The following MMP16 variants were observed in gnomAD, a reference collection of about 807,000 sequenced individuals.
MMP16 encodes matrix metallopeptidase 16.
MMP16 carries 12 observed loss-of-function variants against 67.8 expected under a neutral mutation model. The observed-to-expected ratio is 0.18, with a 90% confidence interval of 0.11 to 0.29. The LOEUF (loss-of-function observed/expected upper bound fraction) is 0.29. MMP16 is among the 10% of genes least tolerant of loss of function. MMP16 has a pLI of 1.00. For missense variants in MMP16, 475 were observed against 765.7 expected (o/e 0.62, Z 4.48); for synonymous variants, 249 against 255.9 (o/e 0.97, Z 0.26).
intron 4 of MMP16, among the ~76,000 whole-genome samples, chr8:88,160,689 T>C (rs1428375058): frequency 6.6e-6 from 1 of 152,070 alleles, no homozygotes; most frequent in Non-Finnish European, 1.5e-5. Context: ...TTGGTGGGAC[T>C]ATAAACTAGT....
At chr8:88,210,719 T>C (rs1403716780) in intron 1 of MMP16, among the ~76,000 whole-genome samples, 1 of 152,162 alleles carries the variant, frequency 6.6e-6, no homozygotes, top group Non-Finnish European at 1.5e-5. Flanking sequence ...TAGGCCACTG[T>C]TGGGCAAGCA....
At chr8:88,143,995 A>G (rs1808252460) in intron 4 of MMP16, among the ~76,000 whole-genome samples, 1 of 151,960 alleles carries the variant, frequency 6.6e-6, no homozygotes, top group Non-Finnish European at 1.5e-5. Context: ...GATAAAAACC[A>G]TTAATCCCTG....
At chr8:88,207,967 T>C (rs561636360) in intron 1 of MMP16, among the ~76,000 whole-genome samples, 2 of 152,254 alleles carry the variant, frequency 1.3e-5, no homozygotes, top group South Asian at 4.1e-4. Context: ...CAGGAAAGGA[T>C]GGTTTGATAA....
chr8:88,138,864 TC>T (rs1219740489), intron 4 of MMP16, among the ~76,000 whole-genome samples: 1 of 152,070 alleles, frequency 6.6e-6, no homozygotes, highest in East Asian at 1.9e-4. Context: ...ATCTGTCTTT[TC>T]TTGATCTCAA....
At chr8:88,227,368 G>A (rs533207442) in intron 1 of MMP16, among the ~76,000 whole-genome samples, 2 of 151,914 alleles carry the variant, frequency 1.3e-5, no homozygotes, top group African/African-American at 2.4e-5. Context: ...TAAAAGGGAC[G>A]AAAAATTACC....
chr8:88,134,703 C>A (rs576647416), intron 4 of MMP16, among the ~76,000 whole-genome samples: 1 of 151,758 alleles, frequency 6.6e-6, no homozygotes, highest in African/African-American at 2.4e-5. Context: ...TTTCCCCTAG[C>A]AGCTTATTTA....
chr8:88,164,273 A>T lies in MMP16; in HGVS notation c.709+3396T>A, dbSNP rs150492052. ...AGAAGAGAAAGAAAGTAATTCAGGT[A>T]AGTAAGCCAGGGGGCATTCCAGGAC... On this transcript the variant is annotated intron_variant, in intron 4 of 9. Transcript: ENST00000286614. 1.6e-3 allele frequency among the ~76,000 whole-genome samples: 244 copies of T among 152,194 alleles called. 3 individuals carry two copies. The highest frequency in any genetic ancestry group is 0.014 in the Admixed American group (213 of 15,244).
chr8:88,283,404 T>G lies in MMP16; in HGVS notation c.132+43671A>C, dbSNP rs528370774. On this transcript the variant is annotated intron_variant, in intron 1 of 9. Coordinates refer to ENST00000286614, the MANE Select transcript of MMP16 (RefSeq NM_005941.5). ...GTGTAACACTAGACAAGTTATTTGA[T>G]CTCTCTGTTTCAGTTTCCTTATATA... 3.3e-5 allele frequency among the ~76,000 whole-genome samples: 5 copies of G among 152,258 alleles called. No homozygotes were observed. The East Asian group carries it at 9.7e-4, about 29-fold the overall frequency.
intron 4 of MMP16, among the ~76,000 whole-genome samples, chr8:88,133,108 T>G (rs750504008): frequency 4.0e-5 from 6 of 151,810 alleles, no homozygotes; most frequent in Non-Finnish European, 2.9e-5. Flanking sequence ...TAATAGAAAA[T>G]GATCTAAACT....
chr8:88,121,602 C>T (rs1275253903), intron 4 of MMP16, among the ~76,000 whole-genome samples: 1 of 151,902 alleles, frequency 6.6e-6, no homozygotes, highest in Non-Finnish European at 1.5e-5. Flanking sequence ...ATTCAAAATC[C>T]TTAATTGTAA....
chr8:88,142,561 T>C (rs1045060961), intron 4 of MMP16, among the ~76,000 whole-genome samples: 5 of 152,040 alleles, frequency 3.3e-5, no homozygotes, highest in African/African-American at 1.2e-4. Context: ...TTTAAAAAAA[T>C]TTACACAAAG....
chr8:88,097,582 C>T (rs1360027902), intron 6 of MMP16, among the ~76,000 whole-genome samples: 1 of 138,246 alleles, frequency 7.2e-6, no homozygotes, highest in Non-Finnish European at 1.5e-5. Flanking sequence ...GCCATGATCA[C>T]ACCACTGCAC....
rs1026348542 is a variant in MMP16, at chr8:88,033,806, C to T, written c.*7655G>A. The T allele has an allele frequency of 6.6e-6, 1 of 151,896 alleles. No individual in the cohort carries two copies. The highest frequency in any genetic ancestry group is 2.4e-5 in the African/African-American group (1 of 41,368). The allele number at this position is 151,896 out of a possible 1,614,324, so 9.4% of individuals were successfully genotyped here. A position where few individuals can be genotyped will look rare whatever the true frequency, so the allele number is the denominator to read the frequency against. On this transcript the variant is annotated 3_prime_UTR_variant, in exon 10 of 10. Coordinates refer to ENST00000286614, the MANE Select transcript of MMP16 (RefSeq NM_005941.5). ...CAGCAAAAAGCTGCCTCTGTAACAC[C>T]CCTAATTCTTTGATTCTATCTCTCT... is the stretch of plus-strand genomic sequence containing the variant.
In MMP16 at chr8:88,032,810, G is replaced by A. The variant is rs372769462; in HGVS notation, c.*8651C>T. 8 of 152,072 alleles carry A rather than the reference G, an allele frequency of 5.3e-5. No homozygotes were observed. The East Asian group carries it at 5.8e-4, about 11-fold the overall frequency. The allele number at this position is 152,072 out of a possible 1,614,324, so 9.4% of individuals were successfully genotyped here. A position where few individuals can be genotyped will look rare whatever the true frequency, so the allele number is the denominator to read the frequency against. ...CTTAAAACTCATTCAGCAAATAAAT[G>A]TGTTATTTATTTCTTTCCTTGCACA... On this transcript the variant is annotated 3_prime_UTR_variant, in exon 10 of 10. Coordinates refer to ENST00000286614, the MANE Select transcript of MMP16 (RefSeq NM_005941.5).
intron 7 of MMP16, among the ~76,000 whole-genome samples, chr8:88,063,368 T>C (rs1808425332): frequency 6.6e-6 from 1 of 152,082 alleles, no homozygotes; most frequent in Non-Finnish European, 1.5e-5. Flanking sequence ...ACACAAAAAG[T>C]TCCTGTCTTT....
At chr8:88,105,388 C>T (rs929977911) in intron 6 of MMP16, among the ~76,000 whole-genome samples, 17 of 151,526 alleles carry the variant, frequency 1.1e-4, no homozygotes, top group South Asian at 2.1e-4. Context: ...TTTGTTGTAA[C>T]GCATAGTATT....
At chr8:88,252,839 G>C (rs1810247362) in intron 1 of MMP16, among the ~76,000 whole-genome samples, 1 of 151,976 alleles carries the variant, frequency 6.6e-6, no homozygotes, top group African/African-American at 2.4e-5. Context: ...CACTAATGTA[G>C]AAACATTTAA....
chr8:88,094,757 T>C (rs1373929427), intron 6 of MMP16, among the ~76,000 whole-genome samples: 1 of 151,814 alleles, frequency 6.6e-6, no homozygotes, highest in Non-Finnish European at 1.5e-5. Context: ...ATGTCAGTAG[T>C]AGGAAAATTT....
chr8:88,089,047 A>T (rs1808890212), intron 6 of MMP16, among the ~76,000 whole-genome samples: 1 of 152,236 alleles, frequency 6.6e-6, no homozygotes, highest in African/African-American at 2.4e-5. Context: ...GAATCTAAAG[A>T]CAAAAGATAA....
Sources: gnomAD v4.1 joint callset for allele counts (sites outside exome capture counted in the v4.1 genomes callset) on GRCh38, gnomAD v4.1.1 for gene constraint, MANE v1.5 for transcripts, NCBI Gene and HGNC (gene_info 2026-07-23, HGNC 2026-07-21) for gene names.